Variants in PTPRD observed in about 807,000 individuals in gnomAD.
PTPRD encodes the protein protein tyrosine phosphatase receptor type D, also known as receptor-type tyrosine-protein phosphatase delta.
In PTPRD, 34 loss-of-function variants were observed where a neutral mutation model predicts 214.5. That is an observed-to-expected ratio of 0.16 (90% confidence interval 0.12 to 0.21). The LOEUF (loss-of-function observed/expected upper bound fraction) is 0.21, where lower values mean the gene tolerates loss of function less well. Ranked by LOEUF, PTPRD falls within the 10% of genes least tolerant of loss-of-function variation. PTPRD has a pLI of 1.00. For missense variants in PTPRD, 2,545 were observed against 2,398.7 expected, an observed-to-expected ratio of 1.06 and a Z score of -1.27; for synonymous variants, 1,128 against 845.7, an observed-to-expected ratio of 1.33 and a Z score of -5.79.
chr9:10,582,511 C>T (rs2072285962), intron 2 of PTPRD, among the ~76,000 whole-genome samples: 1 of 152,082 alleles, frequency 6.6e-6, no homozygotes, highest in South Asian at 2.1e-4. Context: ...TTTAATTTTT[C>T]TTTCATTTTC....
At chr9:10,151,255 A>AATTTTTTTTTTTTTTT in intron 3 of PTPRD, among the ~76,000 whole-genome samples, 1 of 27,390 alleles carries the variant, frequency 3.7e-5, no homozygotes, top group East Asian at 7.4e-4. Flanking sequence ...TTTTTTGTTA[A>AATTTTTTTTTTTTTTT]CTTTTTTTTT....
At chr9:9,971,969 TA>T (rs954989537) in intron 4 of PTPRD, among the ~76,000 whole-genome samples, 9 of 152,146 alleles carry the variant, frequency 5.9e-5, no homozygotes, top group African/African-American at 2.2e-4. Flanking sequence ...ATTGATCAAT[TA>T]ATAAAATAAC....
intron 4 of PTPRD, among the ~76,000 whole-genome samples, chr9:9,961,814 A>C (rs2094386233): frequency 6.6e-6 from 1 of 152,160 alleles, no homozygotes; most frequent in Non-Finnish European, 1.5e-5. Context: ...GTCACAGTCC[A>C]TTAAAATGCA....
intron 11 of PTPRD, among the ~76,000 whole-genome samples, chr9:8,869,024 A>G (rs1262206635): frequency 6.6e-6 from 1 of 152,202 alleles, no homozygotes; most frequent in African/African-American, 2.4e-5. Context: ...ACTAGCCTAA[A>G]TTCCAACCAC....
intron 11 of PTPRD, among the ~76,000 whole-genome samples, chr9:8,940,512 T>G (rs190551170): frequency 6.9e-6 from 1 of 145,442 alleles, no homozygotes; most frequent in African/African-American, 2.5e-5. Context: ...AGGCTGGTTT[T>G]GAACTCCTGA....
At chr9:9,303,631 G>A (rs756749799) in intron 9 of PTPRD, among the ~76,000 whole-genome samples, 1 of 152,042 alleles carries the variant, frequency 6.6e-6, no homozygotes, top group Non-Finnish European at 1.5e-5. Context: ...CAAGAAAAAT[G>A]GGAACAGTCA....
chr9:8,638,486 A>G (rs942951029), intron 12 of PTPRD, among the ~76,000 whole-genome samples: 2 of 152,230 alleles, frequency 1.3e-5, no homozygotes, highest in African/African-American at 4.8e-5. Flanking sequence ...CATATGAAAT[A>G]CATTAATTTA....
At chr9:9,413,350 A>T (rs955287313) in intron 8 of PTPRD, among the ~76,000 whole-genome samples, 1 of 150,248 alleles carries the variant, frequency 6.7e-6, no homozygotes, top group Non-Finnish European at 1.5e-5. Flanking sequence ...TCCTGACCTC[A>T]TGATCCACCC....
intron 7 of PTPRD, among the ~76,000 whole-genome samples, chr9:9,612,162 C>CT (rs2094546949): frequency 6.6e-6 from 1 of 151,412 alleles, no homozygotes; most frequent in African/African-American, 2.4e-5. Flanking sequence ...CATTAAGTTC[C>CT]TTTTTTCTTT....
At chr9:9,763,603 T>G (rs1210873594) in intron 6 of PTPRD, among the ~76,000 whole-genome samples, 1 of 152,120 alleles carries the variant, frequency 6.6e-6, no homozygotes, top group African/African-American at 2.4e-5. Flanking sequence ...ACATCATTCA[T>G]AAATCTTAGC....
intron 5 of PTPRD, among the ~76,000 whole-genome samples, chr9:9,831,571 G>A (rs1017800292): frequency 4.0e-5 from 6 of 151,880 alleles, no homozygotes; most frequent in Non-Finnish European, 8.8e-5. Context: ...TCTTTTTCCT[G>A]TAGGAGTTGA....
chr9:8,690,176 G>C (rs1361428620), intron 12 of PTPRD, among the ~76,000 whole-genome samples: 1 of 150,866 alleles, frequency 6.6e-6, no homozygotes, highest in African/African-American at 2.4e-5. Flanking sequence ...CTGCAACAAA[G>C]TCACAAAGGT....
intron 11 of PTPRD, among the ~76,000 whole-genome samples, chr9:8,829,205 T>C (rs532640889): frequency 6.6e-6 from 1 of 152,292 alleles, no homozygotes. Flanking sequence ...ATAACCCACA[T>C]CCTTATCAAG....
intron 14 of PTPRD, among the ~76,000 whole-genome samples, chr9:8,533,232 C>T (rs954356553): frequency 5.3e-5 from 8 of 151,984 alleles, no homozygotes; most frequent in Non-Finnish European, 1.2e-4. Context: ...CAGGCTCCTT[C>T]CAAGGTGGTC....
intron 3 of PTPRD, among the ~76,000 whole-genome samples, chr9:10,095,345 C>T (rs760078137): frequency 2.9e-4 from 44 of 151,354 alleles, no homozygotes; most frequent in South Asian, 6.2e-4. Context: ...TCTGGAAATG[C>T]CTGTCAGGAA....
chr9:9,549,563 T>C (rs141904464), intron 8 of PTPRD, among the ~76,000 whole-genome samples: 2,522 of 152,244 alleles, frequency 0.017, 40 homozygotes, highest in Admixed American at 0.026. Context: ...ACAGTCGCTA[T>C]GGTCCAGCAA....
chr9:9,678,242 A>G (rs923015423), intron 7 of PTPRD, among the ~76,000 whole-genome samples: 10 of 152,226 alleles, frequency 6.6e-5, no homozygotes, highest in Middle Eastern at 3.4e-3. Context: ...TGGAACCAAA[A>G]AAGAGTCCAC....
intron 5 of PTPRD, among the ~76,000 whole-genome samples, chr9:9,821,721 A>G (rs2050798528): frequency 6.6e-6 from 1 of 151,868 alleles, no homozygotes; most frequent in Non-Finnish European, 1.5e-5. Context: ...GGTTACTATT[A>G]TTATTCAAAT....
At chr9:10,082,012 T>C (rs905092837) in intron 3 of PTPRD, among the ~76,000 whole-genome samples, 1 of 152,068 alleles carries the variant, frequency 6.6e-6, no homozygotes, top group Admixed American at 6.6e-5. Context: ...TTAATTGGAC[T>C]GAATATAAGG....
Sources: gnomAD v4.1 joint callset for allele counts (sites outside exome capture counted in the v4.1 genomes callset) on GRCh38, gnomAD v4.1.1 for gene constraint, MANE v1.5 for transcripts, NCBI Gene and HGNC (gene_info 2026-07-23, HGNC 2026-07-21) for gene names.